Variants in CEP95 observed in about 807,000 individuals in gnomAD.
CEP95 encodes the protein centrosomal protein 95, also known as centrosomal protein of 95 kDa.
In CEP95, 98 loss-of-function variants were observed where a neutral mutation model predicts 111.2. That is an observed-to-expected ratio of 0.88 (90% CI 0.75 to 1.04). The LOEUF (loss-of-function observed/expected upper bound fraction) is 1.04. Ranked by LOEUF, CEP95 falls within the 50% of genes least tolerant of loss-of-function variation. The probability of loss-of-function intolerance (pLI) is 0.00; values close to 1 mark genes in which losing one functional copy is unlikely to be tolerated. For missense variants in CEP95, 1,027 were observed against 977.2 expected, an observed-to-expected ratio of 1.05 and a Z score of -0.68; for synonymous variants, 323 against 327.1, an observed-to-expected ratio of 0.99 and a Z score of 0.14.
intron 6 of CEP95, 65 bp downstream of exon 6, chr17:64,519,501 T>G: frequency 1.2e-5 from 14 of 1,188,882 alleles, no homozygotes; most frequent in African/African-American, 3.0e-5. Flanking sequence ...GTAAATGGTA[T>G]GTAGGAGTGT....
intron 3 of CEP95, 142 bp downstream of exon 3, chr17:64,510,422 A>C: frequency 1.6e-6 from 1 of 624,682 alleles, no homozygotes; most frequent in East Asian, 2.8e-5. Context: ...ATCAACTGAT[A>C]GAGGTCAGGT....
At chr17:64,508,121 A>G (rs529472613) in intron 1 of CEP95, 1 of 985,486 alleles carries the variant, frequency 1.0e-6, no homozygotes, top group African/African-American at 1.7e-5. Context: ...TTCCGGCACC[A>G]GAGAAACCCT....
rs782487772 is a variant in CEP95, at chr17:64,510,170, C to A, written c.149-3C>A. On this transcript the variant is annotated splice_polypyrimidine_tract_variant and splice_region_variant and intron_variant, in intron 2 of 19. Coordinates refer to ENST00000556440, the MANE Select transcript of CEP95 (RefSeq NM_138363.3). ...AAAATTATGTGATTTTTTCCCCCCCCAGACCTCATAGTTATTCCTAGGAGT... is the reference window on the plus strand; with the variant it reads ...AAAATTATGTGATTTTTTCCCCCCCAAGACCTCATAGTTATTCCTAGGAGT... 12 of 1,577,076 alleles carry A rather than the reference C, an allele frequency of 7.6e-6. No homozygotes were observed. The highest frequency in any genetic ancestry group is 2.2e-5 in the East Asian group (1 of 44,586).
At chr17:64,516,470 A>T (rs2039150519) in intron 4 of CEP95, among the ~76,000 whole-genome samples, 1 of 152,214 alleles carries the variant, frequency 6.6e-6, no homozygotes, top group Admixed American at 6.5e-5. Context: ...CCTGCCACTG[A>T]CTTAAAAAAT....
chr17:64,528,061 T>C (rs1421156244), intron 11 of CEP95, among the ~76,000 whole-genome samples: 3 of 152,036 alleles, frequency 2.0e-5, no homozygotes, highest in African/African-American at 7.2e-5. Context: ...CCTACATTTC[T>C]TCACCACTGC....
intron 1 of CEP95, 198 bp downstream of exon 1, chr17:64,507,314 G>C (rs1172860893): frequency 3.5e-6 from 5 of 1,447,774 alleles, no homozygotes; most frequent in African/African-American, 1.4e-5. Context: ...ACAGCAGTAT[G>C]CTGTGGGAGA....
rs8071124 is a variant in CEP95, at chr17:64,508,955, C to G, written c.148+235C>G. 3.0e-3 allele frequency among the ~76,000 whole-genome samples: 453 copies of G among 151,586 alleles called. 2 individuals carry two copies. The highest frequency in any genetic ancestry group is 0.011 in the African/African-American group (441 of 41,274). The stretch of plus-strand genomic sequence containing the variant: ...ATAATATTGTATTCCTTAAGGAATA[C>G]CCTGTGGAACCCACTCATAATAACG... On this transcript the variant is annotated intron_variant, in intron 2 of 19. Transcript: ENST00000556440.
chr17:64,510,411 A>G (rs2038830786), intron 3 of CEP95, 131 bp downstream of exon 3: 3 of 636,220 alleles, frequency 4.7e-6, no homozygotes, highest in South Asian at 3.8e-5. Flanking sequence ...GAGCTAAGAC[A>G]ATCAACTGAT....
intron 18 of CEP95, 28 bp downstream of exon 18, chr17:64,536,776 T>C: frequency 6.3e-7 from 1 of 1,585,610 alleles, no homozygotes; most frequent in South Asian, 1.2e-5. Context: ...GCTTACGCTG[T>C]TGTGCTTAGT....
intron 3 of CEP95, among the ~76,000 whole-genome samples, chr17:64,512,048 A>G (rs1247745640): frequency 6.6e-6 from 1 of 152,222 alleles, no homozygotes; most frequent in Non-Finnish European, 1.5e-5. Flanking sequence ...TGATAGCTGC[A>G]TACAGTGGAC....
At chr17:64,531,845 CTGTT>C in intron 13 of CEP95, 41 bp from the exon 14 acceptor site, 1 of 1,382,814 alleles carries the variant, frequency 7.2e-7, no homozygotes, top group Non-Finnish European at 9.7e-7. Context: ...TATGAAAGAA[CTGTT>C]AGACCTTTTA....
chr17:64,511,092 A>G (rs2038867528), intron 3 of CEP95, among the ~76,000 whole-genome samples: 1 of 152,162 alleles, frequency 6.6e-6, no homozygotes, highest in Admixed American at 6.5e-5. Context: ...ACAGACATCA[A>G]GTACTTCACA....
Position 64,517,247 on chromosome 17 carries a change from A to G in CEP95, c.473+419A>G, listed in dbSNP as rs557761322. Among the ~76,000 whole-genome samples, 5 of 152,052 alleles carry G rather than the reference A, an allele frequency of 3.3e-5. No homozygotes were observed. In the East Asian group the frequency reaches 9.7e-4, roughly 29 times the overall value. ...TTTTTAGTAGAGATGGGGTTTCACC[A>G]TGTTGGTCAGGCTGGCCTCGAACTC... On this transcript the variant is annotated intron_variant, in intron 5 of 19. Transcript: ENST00000556440.
chr17:64,511,047 A>G (rs1423952295), intron 3 of CEP95, among the ~76,000 whole-genome samples: 1 of 152,174 alleles, frequency 6.6e-6, no homozygotes, highest in Non-Finnish European at 1.5e-5. Flanking sequence ...AGGGATTTTC[A>G]AAAGGGGAGG....
In CEP95 at chr17:64,507,414, T is replaced by C. The variant is rs191158201; in HGVS notation, c.19+298T>C. The C allele has an allele frequency of 7.0e-3, 9,507 of 1,366,006 alleles. 67 individuals carry two copies. The highest frequency in any genetic ancestry group is 0.015 in the Middle Eastern group (56 of 3,676). The allele number at this position is 1,366,006 out of a possible 1,614,324, so 84.6% of individuals were successfully genotyped here. A position where few individuals can be genotyped will look rare whatever the true frequency, so the allele number is the denominator to read the frequency against. On this transcript the variant is annotated intron_variant, in intron 1 of 19. Transcript: ENST00000556440. ...AGGGTCGTCCCCGGACTTGTCTTTCTGTGGGGCGTCTAGCCGCTGTCCGTG... is the reference window on the plus strand; with the variant it reads ...AGGGTCGTCCCCGGACTTGTCTTTCCGTGGGGCGTCTAGCCGCTGTCCGTG...
chr17:64,537,506 TGGA>T (rs1968738439), intron 19 of CEP95, 94 bp from the exon 20 acceptor site: 2 of 1,450,438 alleles, frequency 1.4e-6, no homozygotes, highest in Non-Finnish European at 1.8e-6. Context: ...TTGAAAATTT[TGGA>T]GGAGTTTGAT....
Position 64,526,153 on chromosome 17 carries a change from C to G in CEP95, c.1105C>G (p.His369Asp), listed in dbSNP as rs1177776677. 1.9e-6 allele frequency: 3 copies of G among 1,613,420 alleles called. No homozygotes were observed. The highest frequency in any genetic ancestry group is 2.5e-6 in the Non-Finnish European group (3 of 1,179,688). The change falls in exon 10 of 20, where the codon CAT (histidine) becomes GAT (aspartate). Residue 369 changes from histidine to aspartate, a missense_variant. Transcript: ENST00000556440. ...AAAGAGATTAACAGAACAAGAATTA[C>G]ATGATGTATCAGAAAAACTCTCTCA... ...PRKRLTEQEL[H>D]DVSEKLSQRL...
chr17:64,509,058 A>G (rs1261836789), intron 2 of CEP95, among the ~76,000 whole-genome samples: 2 of 152,192 alleles, frequency 1.3e-5, no homozygotes, highest in Non-Finnish European at 1.5e-5. Context: ...TGAAAGTTGC[A>G]TCTTTTCTGT....
chr17:64,532,932 A>G lies in CEP95; in HGVS notation c.1766A>G (p.Gln589Arg), dbSNP rs926499981. The change falls in exon 15 of 20, where the codon CAG becomes CGG. Residue 589 changes from glutamine to arginine, a missense_variant. Coordinates refer to ENST00000556440, the MANE Select transcript of CEP95 (RefSeq NM_138363.3). Reference protein sequence around the residue: ...SGPTLSKMWKQQIAQVEQLKK... With the variant: ...SGPTLSKMWKRQIAQVEQLKK... Reference sequence around the variant, plus strand: ...CCAACACTAAGCAAAATGTGGAAACAGCAAATTGCACAGGTTGAACAGCTT... The same window carrying G: ...CCAACACTAAGCAAAATGTGGAAACGGCAAATTGCACAGGTTGAACAGCTT... The G allele has an allele frequency of 6.2e-7, 1 of 1,613,982 alleles. No individual in the cohort carries two copies. The highest frequency in any genetic ancestry group is 1.3e-5 in the African/African-American group (1 of 75,062).
Sources: gnomAD v4.1 joint callset for allele counts (sites outside exome capture counted in the v4.1 genomes callset) on GRCh38, gnomAD v4.1.1 for gene constraint, MANE v1.5 for transcripts, NCBI Gene and HGNC (gene_info 2026-07-23, HGNC 2026-07-21) for gene names.